Variants in SEZ6 observed in about 807,000 individuals in gnomAD.
SEZ6 encodes seizure related 6 homolog, also known as seizure protein 6 homolog.
Under a neutral mutation model 101.0 loss-of-function variants are expected in SEZ6, and 53 were observed. The ratio of observed to expected loss-of-function variants is 0.52; its 90% confidence interval spans 0.42 to 0.66. SEZ6 has a LOEUF of 0.66. Among genes scored for constraint, SEZ6 ranks in the 30% least tolerant of loss-of-function variants. The pLI is 0.00. For synonymous variants in SEZ6, 488 were observed against 512.2 expected, an observed-to-expected ratio of 0.95 and a Z score of 0.64; for missense variants, 1,102 against 1,289.4, an observed-to-expected ratio of 0.85 and a Z score of 2.23.
intron 10 of SEZ6, 114 bp downstream of exon 10, chr17:28,958,911 T>C (rs545847100): frequency 8.3e-7 from 1 of 1,200,818 alleles, no homozygotes; most frequent in Non-Finnish European, 1.1e-6. Context: ...TGATCCCTGG[T>C]GCTTTTCCAG....
At chr17:29,000,082 G>C (rs777441512) in intron 1 of SEZ6, among the ~76,000 whole-genome samples, 2 of 152,224 alleles carry the variant, frequency 1.3e-5, no homozygotes, top group Non-Finnish European at 2.9e-5. Context: ...GATGATAAGA[G>C]AACTAAATGA....
rs1422445625 is a variant in SEZ6, at chr17:28,963,799, A to C, written c.1240+163T>G. 6.7e-6 allele frequency: 5 copies of C among 749,594 alleles called. No individual in the cohort carries two copies. In the African/African-American group the frequency reaches 8.7e-5, roughly 13 times the overall value. 46.4% of individuals were successfully genotyped at this position (749,594 alleles called of 1,614,324 possible). ...TACCTGTGGTGCCTTCATCTGGTAG[A>C]TGCTCAATAAGTGCAGGTTGGATGA... On this transcript the variant is annotated intron_variant, in intron 5 of 16. Transcript: ENST00000317338.
chr17:28,960,060 A>T (rs1245700548), intron 7 of SEZ6, among the ~76,000 whole-genome samples, 168 bp from the exon 8 acceptor site: 1 of 152,142 alleles, frequency 6.6e-6, no homozygotes, highest in Non-Finnish European at 1.5e-5. Context: ...AGCCAAGAGC[A>T]TCCATCCCTA....
chr17:28,960,805 C>G lies in SEZ6; in HGVS notation c.1409G>C (p.Arg470Thr). ...EKVSLAEDDD[R>T]LIIRNGDNVE... ...CCATTCCACTAGGACAGCCCCTCAC[C>G]TGTCATCATCCTCTGCCAGGGAAAC... is the stretch of plus-strand genomic sequence containing the variant. The change falls in exon 6 of 17, where the codon AGG becomes ACG. Residue 470 changes from arginine to threonine, a missense_variant and splice_region_variant. By Grantham distance (71) the Arg-to-Thr change is moderately conservative. Around this residue, in one of 3 missense-constraint regions of SEZ6, gnomAD observed 556 missense variants for 735.1 expected, o/e 0.76. Coordinates refer to ENST00000317338, the MANE Select transcript of SEZ6 (RefSeq NM_178860.5). The G allele has an allele frequency of 6.2e-7, 1 of 1,613,864 alleles. No individual in the cohort carries two copies.
rs769515215 is a variant in SEZ6, at chr17:28,963,947, C to T, written c.1240+15G>A. ...TTCTCTGCTCAGCACTGAGCCCTTT[C>T]CCCTGGGCACTCACCGATGCAGACG... On this transcript the variant is annotated intron_variant, in intron 5 of 16. Transcript: ENST00000317338. The T allele has an allele frequency of 6.5e-7, 1 of 1,539,448 alleles. No individual in the cohort carries two copies. The highest frequency in any genetic ancestry group is 8.6e-7 in the Non-Finnish European group (1 of 1,157,008).
chr17:28,960,871 TC>T lies in SEZ6; in HGVS notation c.1342del (p.Glu448ArgfsTer193), dbSNP rs2040966847. On this transcript the variant is annotated frameshift_variant, in exon 6 of 17. Transcript: ENST00000317338. LOFTEE classifies it high-confidence loss of function. ...GTGTAGCCGCTGGCCCTCAGGAGCC[TC>T]AAGCAGCCAGTGACAGGTGAGGTTG... ...SNNLTCHWLLEAPEGQRLHLH... is the reference protein window; with the variant it reads ...SNNLTCHWLLXAPEGQRLHLH... 6.2e-7 allele frequency: 1 copy of T among 1,613,804 alleles called. No homozygotes were observed. Among genetic ancestry groups the T allele is most frequent in the African/African-American group, 1.3e-5 (1 of 74,910 alleles).
At chr17:28,969,609 G>T (rs2041120850) in intron 4 of SEZ6, 148 bp downstream of exon 4, 1 of 721,572 alleles carries the variant, frequency 1.4e-6, no homozygotes, top group Non-Finnish European at 2.1e-6. Flanking sequence ...ACCTCCAATT[G>T]TCCAGAGCTT....
chr17:28,957,123 G>T lies in SEZ6; in HGVS notation c.2614C>A (p.Leu872Met). ...IHFSCAPGYVLKGQASIKCVP... is the reference protein window; with the variant it reads ...IHFSCAPGYVMKGQASIKCVP... ...CACTTGATGCTGGCCTGGCCCTTCAGCACATAGCCAGGGGCACACGAGAAG... is the reference window on the plus strand; with the variant it reads ...CACTTGATGCTGGCCTGGCCCTTCATCACATAGCCAGGGGCACACGAGAAG... Residue 872 changes from leucine to methionine, a missense_variant, in exon 13 of 17, where the codon CTG becomes ATG. By Grantham distance (15) the Leu-to-Met change is conservative. This residue lies in a region of SEZ6 where 556 missense variants were observed against 735.1 expected (regional missense o/e 0.76). Coordinates refer to ENST00000317338, the MANE Select transcript of SEZ6 (RefSeq NM_178860.5). The T allele has an allele frequency of 6.2e-7, 1 of 1,613,940 alleles. No homozygotes were observed.
At chr17:28,979,865 C>A in intron 2 of SEZ6, 52 bp from the exon 3 acceptor site, 1 of 1,532,598 alleles carries the variant, frequency 6.5e-7, no homozygotes, top group Non-Finnish European at 8.8e-7. Context: ...TGAAGTGGTC[C>A]AACTAAGGCT....
rs1196667713 is a variant in SEZ6 at position 28,996,010 on chromosome 17, C to CT, written c.55+9804dup. ...GACACAGAAGCTCCAGCCTTATTTCCTTTTTTTTTTTGGAGATGGAGTCTC... is the reference window on the plus strand; with the variant it reads ...GACACAGAAGCTCCAGCCTTATTTCCTTTTTTTTTTTTGGAGATGGAGTCTC... On this transcript the variant is annotated intron_variant, in intron 1 of 16. Coordinates refer to ENST00000317338, the MANE Select transcript of SEZ6 (RefSeq NM_178860.5). Among the ~76,000 whole-genome samples, 102 of 145,770 alleles carry CT rather than the reference C, an allele frequency of 7.0e-4. 1 individual carries two copies. Among genetic ancestry groups the CT allele is most frequent in the South Asian group, 5.2e-3 (24 of 4,594 alleles).
Position 28,959,612 on chromosome 17 carries a change from G to T in SEZ6, c.1771+86C>A. On this transcript the variant is annotated intron_variant, in intron 8 of 16. Coordinates refer to ENST00000317338, the MANE Select transcript of SEZ6 (RefSeq NM_178860.5). This position sits in a 1 kb window ranked among gnomAD's most constrained non-coding sequence, Gnocchi z 4.4. ...AAGCCTGAACCACGCATATCACAGGGCCCCTGTGGCCCCGGGCTCTGCTGC... is the reference window on the plus strand; with the variant it reads ...AAGCCTGAACCACGCATATCACAGGTCCCCTGTGGCCCCGGGCTCTGCTGC... The T allele has an allele frequency of 2.0e-6, 3 of 1,530,366 alleles. No individual in the cohort carries two copies. Among genetic ancestry groups the T allele is most frequent in the South Asian group, 2.5e-5 (2 of 79,534 alleles). The allele number at this position is 1,530,366 out of a possible 1,614,324, so 94.8% of individuals were successfully genotyped here.
chr17:29,000,448 T>C (rs2041601035), intron 1 of SEZ6, among the ~76,000 whole-genome samples: 1 of 152,238 alleles, frequency 6.6e-6, no homozygotes, highest in African/African-American at 2.4e-5. Flanking sequence ...CAGTGAAGGC[T>C]GGGCCCCTGA....
chr17:28,983,382 T>C (rs2041336934), intron 1 of SEZ6, among the ~76,000 whole-genome samples: 2 of 152,140 alleles, frequency 1.3e-5, no homozygotes, highest in South Asian at 4.1e-4. Context: ...CCCTAATCCA[T>C]GGCAGGCATT....
intron 1 of SEZ6, among the ~76,000 whole-genome samples, chr17:28,986,970 C>A (rs1412752644): frequency 6.6e-6 from 1 of 152,186 alleles, no homozygotes; most frequent in African/African-American, 2.4e-5. Flanking sequence ...GGTGGGCAGT[C>A]ACGGGAACCA....
In SEZ6 at chr17:29,005,542, G is replaced by A. The variant is rs2041676672; in HGVS notation, c.55+273C>T. Among the ~76,000 whole-genome samples, 1 of 152,186 alleles carries A rather than the reference G, an allele frequency of 6.6e-6. No individual in the cohort carries two copies. Among genetic ancestry groups the A allele is most frequent in the African/African-American group, 2.4e-5 (1 of 41,454 alleles). On this transcript the variant is annotated intron_variant, in intron 1 of 16. Transcript: ENST00000317338. This position sits in a 1 kb window ranked among gnomAD's most constrained non-coding sequence, Gnocchi z 4.8. ...CGCGTGTGTGCGGGGAGTGGGTGGC[G>A]TGATGAATTGCATCAGAGAAATCCC... is the stretch of plus-strand genomic sequence containing the variant.
At chr17:29,001,874 C>A (rs1375550552) in intron 1 of SEZ6, among the ~76,000 whole-genome samples, 3 of 152,078 alleles carry the variant, frequency 2.0e-5, no homozygotes, top group Non-Finnish European at 4.4e-5. Context: ...AGCTGGGGAC[C>A]CAGAAATCTG....
At chr17:28,981,350 G>A in intron 2 of SEZ6, 21 bp downstream of exon 2, 1 of 1,528,516 alleles carries the variant, frequency 6.5e-7, no homozygotes, top group South Asian at 1.2e-5. Flanking sequence ...TTCCACATCT[G>A]CAAGCCAGCA....
intron 1 of SEZ6, among the ~76,000 whole-genome samples, chr17:28,997,338 A>G (rs1245305889): frequency 1.3e-5 from 2 of 152,166 alleles, no homozygotes; most frequent in Non-Finnish European, 2.9e-5. Flanking sequence ...CAGCCAGAAA[A>G]TAGGGCTTCA....
intron 2 of SEZ6, among the ~76,000 whole-genome samples, chr17:28,980,683 T>C (rs1258718206): frequency 3.3e-5 from 5 of 151,916 alleles, no homozygotes; most frequent in Non-Finnish European, 5.9e-5. Flanking sequence ...TTTGTATTTT[T>C]AGTAGAGACG....
Sources: allele counts gnomAD v4.1 joint callset (sites outside exome capture counted in the v4.1 genomes callset), GRCh38; gene constraint gnomAD v4.1.1; regional missense constraint gnomAD v4.1.1; non-coding constraint Gnocchi (gnomAD v3.1); transcripts MANE v1.5; gene names NCBI Gene and HGNC (gene_info 2026-07-23, HGNC 2026-07-21).